TENM3: variants seen among roughly 807,000 people sequenced by gnomAD.
TENM3 encodes the protein teneurin-3.
In TENM3, 63 loss-of-function variants were observed where a neutral mutation model predicts 255.1. That is an observed-to-expected ratio of 0.25 (90% CI 0.20 to 0.30). The LOEUF is 0.30. TENM3 is among the 10% of genes least tolerant of loss of function. The pLI, the probability that TENM3 is intolerant of heterozygous loss-of-function variation, is 1.00. For synonymous variants in TENM3, 1,306 were observed against 1,322.3 expected, an observed-to-expected ratio of 0.99 and a Z score of 0.27; for missense variants, 2,929 against 3,461.1, an observed-to-expected ratio of 0.85 and a Z score of 3.86.
At chr4:182,787,532 G>A (rs943227179) in intron 24 of TENM3, among the ~76,000 whole-genome samples, 14 of 152,060 alleles carry the variant, frequency 9.2e-5, no homozygotes, top group Admixed American at 2.6e-4. Context: ...TCAGGAGTTC[G>A]AGACCAGCCT....
chr4:182,103,011 A>T, the TENM3 span, among the ~76,000 whole-genome samples: 4 of 152,380 alleles, frequency 2.6e-5, no homozygotes, highest in African/African-American at 7.2e-5. Flanking sequence ...TAGCTTATGA[A>T]AAGTTAAGAC....
the TENM3 span, among the ~76,000 whole-genome samples, chr4:181,741,289 A>G: frequency 6.6e-6 from 1 of 152,318 alleles, no homozygotes; most frequent in South Asian, 2.1e-4. Context: ...TTCATACCAC[A>G]TTCATTCATC....
chr4:182,705,044 G>T (rs1274643759), intron 12 of TENM3, among the ~76,000 whole-genome samples: 5 of 152,022 alleles, frequency 3.3e-5, no homozygotes. Flanking sequence ...AATCCTTTAT[G>T]GTATGGTAAT....
chr4:182,236,112 T>A (rs2150040205), intron 1 of TENM3, among the ~76,000 whole-genome samples: 1 of 152,294 alleles, frequency 6.6e-6, no homozygotes, highest in Non-Finnish European at 1.5e-5. Flanking sequence ...TAAATGCAGG[T>A]CTAACCAACC....
At chr4:182,696,597 C>T (rs570810060) in intron 12 of TENM3, among the ~76,000 whole-genome samples, 29 of 152,050 alleles carry the variant, frequency 1.9e-4, no homozygotes, top group Non-Finnish European at 2.9e-4. Context: ...TGGTGGTGCA[C>T]GCCTGTAATC....
intron 4 of TENM3, among the ~76,000 whole-genome samples, chr4:182,625,267 C>T (rs1750710035): frequency 6.6e-6 from 1 of 152,118 alleles, no homozygotes; most frequent in South Asian, 2.1e-4. Flanking sequence ...AGATCTGCGG[C>T]CTGTTAGGAA....
intron 24 of TENM3, among the ~76,000 whole-genome samples, chr4:182,778,864 G>A (rs1349106535): frequency 6.6e-6 from 1 of 151,564 alleles, no homozygotes; most frequent in Non-Finnish European, 1.5e-5. Context: ...GTGTAGCAGC[G>A]ATCTGAGATA....
chr4:182,634,893 T>C (rs1259008828), intron 5 of TENM3, among the ~76,000 whole-genome samples: 2 of 152,178 alleles, frequency 1.3e-5, no homozygotes, highest in Non-Finnish European at 2.9e-5. Flanking sequence ...ATGTCAATGT[T>C]ATACACATAG....
At chr4:182,309,160 C>T (rs911852771) in intron 1 of TENM3, among the ~76,000 whole-genome samples, 8 of 152,164 alleles carry the variant, frequency 5.3e-5, no homozygotes, top group African/African-American at 1.9e-4. Flanking sequence ...TTACCTCCTT[C>T]AAGGAGGAAG....
the TENM3 span, among the ~76,000 whole-genome samples, chr4:181,747,495 A>C: frequency 6.6e-6 from 1 of 152,172 alleles, no homozygotes. Flanking sequence ...AGAAGGCCAT[A>C]TTGACATAGT....
chr4:181,695,403 A>C, the TENM3 span, among the ~76,000 whole-genome samples: 1 of 152,204 alleles, frequency 6.6e-6, no homozygotes, highest in African/African-American at 2.4e-5. Context: ...CAAATCAATT[A>C]CATGTAGCTT....
intron 13 of TENM3, among the ~76,000 whole-genome samples, chr4:182,722,219 AT>A (rs1166786473): frequency 3.3e-5 from 5 of 152,292 alleles, no homozygotes; most frequent in Non-Finnish European, 5.9e-5. Context: ...AATCAAGAAC[AT>A]TTTTAAGTAC....
At chr4:181,514,035 C>T in the TENM3 span, among the ~76,000 whole-genome samples, 5 of 152,266 alleles carry the variant, frequency 3.3e-5, no homozygotes, top group Admixed American at 2.0e-4. Flanking sequence ...AGAAATACCA[C>T]AAGCACAACA....
the TENM3 span, among the ~76,000 whole-genome samples, chr4:181,970,727 T>A: frequency 6.6e-6 from 1 of 152,170 alleles, no homozygotes; most frequent in Non-Finnish European, 1.5e-5. Flanking sequence ...TTCCTCAGCT[T>A]CTCTGCTGCT....
chr4:182,766,004 A>G (rs1763686552), intron 22 of TENM3, among the ~76,000 whole-genome samples: 1 of 152,230 alleles, frequency 6.6e-6, no homozygotes, highest in Admixed American at 6.5e-5. Context: ...AGCAATTTAT[A>G]GTAATAAATA....
chr4:181,987,091 T>C, the TENM3 span, among the ~76,000 whole-genome samples: 1 of 152,094 alleles, frequency 6.6e-6, no homozygotes, highest in East Asian at 1.9e-4. Context: ...CTGACCAAAC[T>C]GTGACCTGAA....
the TENM3 span, among the ~76,000 whole-genome samples, chr4:181,757,271 G>A: frequency 3.3e-5 from 5 of 152,162 alleles, no homozygotes. Flanking sequence ...GTAATAGCGT[G>A]GGGAGAGTTT....
chr4:182,703,050 T>C (rs1758014052), intron 12 of TENM3, among the ~76,000 whole-genome samples: 1 of 152,226 alleles, frequency 6.6e-6, no homozygotes, highest in Non-Finnish European at 1.5e-5. Flanking sequence ...CCCATGTTCT[T>C]AAGCCCTAGA....
chr4:182,506,274 G>A (rs1009358005), intron 3 of TENM3, among the ~76,000 whole-genome samples: 1 of 152,142 alleles, frequency 6.6e-6, no homozygotes, highest in Non-Finnish European at 1.5e-5. Flanking sequence ...CTTTTGAAAT[G>A]TTTTCCATAT....
Sources: allele counts gnomAD v4.1 joint callset (sites outside exome capture counted in the v4.1 genomes callset), GRCh38; gene constraint gnomAD v4.1.1; transcripts MANE v1.5; gene names NCBI Gene and HGNC (gene_info 2026-07-23, HGNC 2026-07-21).